SNX29: variants seen among roughly 807,000 people sequenced by gnomAD.
SNX29 encodes the protein sorting nexin 29.
Under a neutral mutation model 102.1 loss-of-function variants are expected in SNX29, and 78 were observed. The observed-to-expected ratio is 0.76, with a 90% CI of 0.64 to 0.92. The LOEUF is 0.92. Among genes scored for constraint, SNX29 ranks in the 40% least tolerant of loss-of-function variants. SNX29 has a pLI of 0.00. For missense variants in SNX29, 1,280 were observed against 1,061.7 expected, an observed-to-expected ratio of 1.21 and a Z score of -2.86; for synonymous variants, 580 against 414.5, an observed-to-expected ratio of 1.40 and a Z score of -4.85.
intron 11 of SNX29, among the ~76,000 whole-genome samples, chr16:12,080,599 T>A (rs2151349446): frequency 6.6e-6 from 1 of 152,284 alleles, no homozygotes; most frequent in South Asian, 2.1e-4. Context: ...AGGCTGGTCT[T>A]GAACTCCTAG....
chr16:12,417,471 G>T (rs912501256), intron 18 of SNX29, among the ~76,000 whole-genome samples: 8 of 152,188 alleles, frequency 5.3e-5, no homozygotes, highest in African/African-American at 1.9e-4. Context: ...TGGGTCAGAG[G>T]GGGTGGGTGG....
chr16:12,008,134 T>C (rs949204400), intron 3 of SNX29, among the ~76,000 whole-genome samples: 6 of 152,192 alleles, frequency 3.9e-5, no homozygotes, highest in South Asian at 2.1e-4. Flanking sequence ...TTAGTAGAGA[T>C]GGGGTTTCAC....
intron 20 of SNX29, among the ~76,000 whole-genome samples, chr16:12,536,862 G>C (rs530180292): frequency 1.8e-4 from 27 of 152,272 alleles, no homozygotes; most frequent in Non-Finnish European, 2.6e-4. Context: ...TGTAATTGTA[G>C]CTACTTGGGA....
Position 12,516,082 on chromosome 16 carries a change from A to G in SNX29, c.2179-8620A>G, listed in dbSNP as rs563412759. 6.6e-5 allele frequency among the ~76,000 whole-genome samples: 10 copies of G among 152,236 alleles called. No homozygotes were observed. In the South Asian group the frequency reaches 1.2e-3, roughly 19 times the overall value. On this transcript the variant is annotated intron_variant, in intron 19 of 20. Transcript: ENST00000566228. ...CAACTCCCATTACCTTACATTAACC[A>G]TAAGTCAGCCGATGGCTCTCGTCTA...
At chr16:11,996,983 C>G (rs1303211210) in intron 1 of SNX29, among the ~76,000 whole-genome samples, 1 of 152,202 alleles carries the variant, frequency 6.6e-6, no homozygotes, top group African/African-American at 2.4e-5. Flanking sequence ...TGACTGGTTT[C>G]ATTACCAGGC....
At chr16:12,523,659 T>A (rs2090185057) in intron 19 of SNX29, among the ~76,000 whole-genome samples, 1 of 152,160 alleles carries the variant, frequency 6.6e-6, no homozygotes, top group Non-Finnish European at 1.5e-5. Flanking sequence ...TGTGACAGCT[T>A]GGGTTGCACA....
chr16:12,425,189 G>A (rs1446795369), intron 18 of SNX29, among the ~76,000 whole-genome samples: 2 of 152,218 alleles, frequency 1.3e-5, no homozygotes, highest in African/African-American at 2.4e-5. Flanking sequence ...GGTGCAGCTC[G>A]GCTGATGTGG....
intron 16 of SNX29, among the ~76,000 whole-genome samples, chr16:12,357,368 C>A (rs563383968): frequency 2.0e-5 from 3 of 152,106 alleles, no homozygotes; most frequent in Non-Finnish European, 4.4e-5. Flanking sequence ...TCCTTATCAC[C>A]CCCATTACCA....
intron 19 of SNX29, among the ~76,000 whole-genome samples, chr16:12,513,302 C>T (rs1225085768): frequency 4.1e-5 from 6 of 147,806 alleles, no homozygotes; most frequent in Admixed American, 3.4e-4. Flanking sequence ...CTGCCTTGCC[C>T]TCCTCTCCCC....
At chr16:12,346,151 G>C (rs192394683) in intron 15 of SNX29, among the ~76,000 whole-genome samples, 7 of 152,230 alleles carry the variant, frequency 4.6e-5, no homozygotes, top group African/African-American at 7.2e-5. Context: ...TGGTGGCGGG[G>C]GCAGCAGGGA....
intron 20 of SNX29, chr16:12,527,239 G>A (rs538331886): frequency 1.5e-5 from 8 of 533,952 alleles, no homozygotes; most frequent in Middle Eastern, 2.8e-4. Context: ...CCACAGCCAA[G>A]CCTTACCCGT....
At chr16:12,522,507 G>A (rs1385081488) in intron 19 of SNX29, among the ~76,000 whole-genome samples, 2 of 152,120 alleles carry the variant, frequency 1.3e-5, no homozygotes, top group African/African-American at 2.4e-5. Flanking sequence ...ATTGTAATCC[G>A]CAGTGTTAGA....
intron 15 of SNX29, among the ~76,000 whole-genome samples, chr16:12,325,229 G>C (rs1478522917): frequency 6.6e-6 from 1 of 152,128 alleles, no homozygotes; most frequent in East Asian, 1.9e-4. Flanking sequence ...CCCTCTGAAA[G>C]GCATTTTTAA....
chr16:12,271,153 TAAAAC>T (rs1257816813), intron 14 of SNX29, among the ~76,000 whole-genome samples: 1 of 152,252 alleles, frequency 6.6e-6, no homozygotes, highest in Non-Finnish European at 1.5e-5. Context: ...TTAGATGGCT[TAAAAC>T]AACAAACATT....
chr16:12,317,289 C>T (rs1487935642), intron 15 of SNX29, among the ~76,000 whole-genome samples: 1 of 152,194 alleles, frequency 6.6e-6, no homozygotes, highest in African/African-American at 2.4e-5. Flanking sequence ...CTTCGCAGGC[C>T]CCAGATGCGC....
chr16:12,306,059 A>G (rs893601832), intron 15 of SNX29, among the ~76,000 whole-genome samples: 19 of 152,002 alleles, frequency 1.2e-4, no homozygotes, highest in African/African-American at 4.3e-4. Context: ...ACCCTCCCTC[A>G]GCCAGGCACC....
chr16:11,996,390 C>G (rs2056074842), intron 1 of SNX29, among the ~76,000 whole-genome samples: 1 of 151,952 alleles, frequency 6.6e-6, no homozygotes, highest in Admixed American at 6.6e-5. Flanking sequence ...GAAAAAAACG[C>G]CAAAAAATAA....
In SNX29 at chr16:12,464,025, C is replaced by A. The variant is rs1203009619; in HGVS notation, c.2038-13694C>A. On this transcript the variant is annotated intron_variant, in intron 18 of 20. Coordinates refer to ENST00000566228, the MANE Select transcript of SNX29 (RefSeq NM_032167.5). ...CACCTATCTCCCCTATCCATCCCCCCAGCCCCTGGCAACCCCCGTCTGTTC... is the reference window on the plus strand; with the variant it reads ...CACCTATCTCCCCTATCCATCCCCCAAGCCCCTGGCAACCCCCGTCTGTTC... Among the ~76,000 whole-genome samples, 8 of 152,178 alleles carry A rather than the reference C, an allele frequency of 5.3e-5. No homozygotes were observed. The East Asian group carries it at 1.5e-3, about 29-fold the overall frequency.
chr16:12,250,959 G>A lies in SNX29; in HGVS notation c.1679-26974G>A, dbSNP rs747663688. On this transcript the variant is annotated intron_variant, in intron 14 of 20. Transcript: ENST00000566228. Reference sequence around the variant, plus strand: ...AGGCCGCGAGGTACTGGGAAGGATGGCGAAATAGACAGCTGCTGGCTGCTC... The same window carrying A: ...AGGCCGCGAGGTACTGGGAAGGATGACGAAATAGACAGCTGCTGGCTGCTC... Among the ~76,000 whole-genome samples, 95 of 152,378 alleles carry A rather than the reference G, an allele frequency of 6.2e-4. 1 individual carries two copies. Among genetic ancestry groups the A allele is most frequent in the Non-Finnish European group, 5.1e-4 (35 of 68,032 alleles).
Sources: allele counts gnomAD v4.1 joint callset (sites outside exome capture counted in the v4.1 genomes callset), GRCh38; gene constraint gnomAD v4.1.1; transcripts MANE v1.5; gene names NCBI Gene and HGNC (gene_info 2026-07-23, HGNC 2026-07-21).